FREM2: variants seen among roughly 807,000 people sequenced by gnomAD.
FREM2 encodes FRAS1 related extracellular matrix 2.
Under a neutral mutation model 219.9 loss-of-function variants are expected in FREM2, and 119 were observed. That is an observed-to-expected ratio of 0.54 (90% confidence interval 0.47 to 0.63). The LOEUF is 0.63. Among genes scored for constraint, FREM2 ranks in the 30% least tolerant of loss-of-function variants. The pLI is 0.00. For synonymous variants in FREM2, 1,562 were observed against 1,522.8 expected, an observed-to-expected ratio of 1.03 and a Z score of -0.60; for missense variants, 4,030 against 3,993.6, an observed-to-expected ratio of 1.01 and a Z score of -0.25.
Position 38,876,252 on chromosome 13 carries a change from G to C in FREM2, c.8414G>C (p.Arg2805Pro). The C allele has an allele frequency of 6.2e-7, 1 of 1,613,816 alleles. No individual in the cohort carries two copies. The highest frequency in any genetic ancestry group is 8.5e-7 in the Non-Finnish European group (1 of 1,179,934). Residue 2805 changes from arginine (R) to proline (P), a missense_variant, in exon 20 of 24, where the codon CGT (arginine) becomes CCT (proline). Around this residue, in one of 2 missense-constraint regions of FREM2, gnomAD observed 928 missense variants for 1,042.9 expected, o/e 0.89. Coordinates refer to ENST00000280481, the MANE Select transcript of FREM2 (RefSeq NM_207361.6). ...ATCAATATCTTCTCCTCAAAGGTACGTGACTACTCAGGGACCTATACTGTG... is the reference window on the plus strand; with the variant it reads ...ATCAATATCTTCTCCTCAAAGGTACCTGACTACTCAGGGACCTATACTGTG... ...QWSFVSDFAV[R>P]DYSGTYTVKL...
At chr13:38,842,451 T>G (rs750928669) in intron 6 of FREM2, among the ~76,000 whole-genome samples, 4 of 152,154 alleles carry the variant, frequency 2.6e-5, no homozygotes, top group Non-Finnish European at 5.9e-5. Context: ...GATTCCGTTA[T>G]GGAGAAGTTC....
intron 2 of FREM2, among the ~76,000 whole-genome samples, chr13:38,713,260 G>T (rs1238489890): frequency 1.3e-5 from 2 of 152,150 alleles, no homozygotes; most frequent in Non-Finnish European, 2.9e-5. Flanking sequence ...CTAATGCTCA[G>T]CTTTGCCACT....
At chr13:38,748,899 A>G (rs1469351579) in intron 2 of FREM2, among the ~76,000 whole-genome samples, 1 of 152,172 alleles carries the variant, frequency 6.6e-6, no homozygotes, top group African/African-American at 2.4e-5. Context: ...GAACAAAGGT[A>G]AGGCTGTGCA....
At chr13:38,728,683 A>G (rs1445043465) in intron 2 of FREM2, among the ~76,000 whole-genome samples, 1 of 72,906 alleles carries the variant, frequency 1.4e-5, no homozygotes, top group Non-Finnish European at 2.7e-5. Flanking sequence ...AAGTGCTAGG[A>G]TTATATGTGT....
intron 4 of FREM2, among the ~76,000 whole-genome samples, chr13:38,773,402 T>C (rs969695746): frequency 5.3e-4 from 81 of 152,026 alleles, no homozygotes; most frequent in African/African-American, 1.8e-3. Flanking sequence ...CACCCCCTTT[T>C]TTTTTCGAGA....
intron 17 of FREM2, among the ~76,000 whole-genome samples, chr13:38,874,012 CTT>C (rs1878257301): frequency 6.6e-6 from 1 of 152,268 alleles, no homozygotes; most frequent in African/African-American, 2.4e-5. Context: ...CATAGGATCT[CTT>C]GTTTCCATCT....
rs531238755 is a variant in FREM2 at position 38,886,320 on chromosome 13, T to C, written c.*5533T>C. ...ACTTCAGGAATTCAAATGCAAGTTG[T>C]TGGCAAAATATATATATACACACAC... On this transcript the variant is annotated 3_prime_UTR_variant, in exon 24 of 24. Transcript: ENST00000280481. The C allele has an allele frequency of 1.6e-4, 24 of 151,532 alleles. No individual in the cohort carries two copies. The highest frequency in any genetic ancestry group is 4.6e-4 in the African/African-American group (19 of 40,940). 9.4% of individuals were successfully genotyped at this position (151,532 alleles called of 1,614,324 possible). A position where few individuals can be genotyped will look rare whatever the true frequency, so the allele number is the denominator to read the frequency against.
At chr13:38,820,516 C>G (rs1370770504) in intron 6 of FREM2, among the ~76,000 whole-genome samples, 1 of 152,022 alleles carries the variant, frequency 6.6e-6, no homozygotes, top group Non-Finnish European at 1.5e-5. Flanking sequence ...ATCTGAGAAG[C>G]AGCTTCTCAG....
At chr13:38,839,416 C>T (rs1385404490) in intron 6 of FREM2, among the ~76,000 whole-genome samples, 2 of 152,242 alleles carry the variant, frequency 1.3e-5, no homozygotes, top group Non-Finnish European at 1.5e-5. Context: ...TAGGAGGTAT[C>T]TCCCCATCAG....
chr13:38,746,731 AT>A (rs1385230443), intron 2 of FREM2, among the ~76,000 whole-genome samples: 2 of 152,224 alleles, frequency 1.3e-5, no homozygotes, highest in Non-Finnish European at 2.9e-5. Context: ...GGGATTTATC[AT>A]TTAAGTCAGG....
chr13:38,835,758 G>A (rs766190877), intron 6 of FREM2, among the ~76,000 whole-genome samples: 5 of 152,186 alleles, frequency 3.3e-5, no homozygotes, highest in African/African-American at 4.8e-5. Flanking sequence ...TCTATTATTG[G>A]TGTATAGGAA....
At position 38,840,636 on chromosome 13, in the gene FREM2, A is replaced by ATATATATATATATATATATG. The variant is rs1179577366; in HGVS notation, c.6020-5928_6020-5927insATATATATATGTATATATAT. 8.6e-4 allele frequency among the ~76,000 whole-genome samples: 125 copies of ATATATATATATATATATATG among 145,940 alleles called. 1 individual carries two copies. The highest frequency in any genetic ancestry group is 3.2e-3 in the African/African-American group (119 of 37,638). ...GGGGATAAAACTAAAATATATATATATATATATATGTGTATGTATATATAT... is the reference window on the plus strand; with the variant it reads ...GGGGATAAAACTAAAATATATATATATATATATATATATATATATGTATATATATGTGTATGTATATATAT... On this transcript the variant is annotated intron_variant, in intron 6 of 23. Coordinates refer to ENST00000280481, the MANE Select transcript of FREM2 (RefSeq NM_207361.6).
At chr13:38,786,047 A>G (rs1025606982) in intron 6 of FREM2, among the ~76,000 whole-genome samples, 2 of 152,178 alleles carry the variant, frequency 1.3e-5, no homozygotes, top group African/African-American at 2.4e-5. Flanking sequence ...AACATGTATC[A>G]TTTCTTTGTG....
intron 6 of FREM2, among the ~76,000 whole-genome samples, chr13:38,795,323 C>T (rs1874726517): frequency 9.1e-6 from 1 of 110,176 alleles, no homozygotes; most frequent in Non-Finnish European, 2.4e-5. Flanking sequence ...GGCTTTCCAA[C>T]ATATTTTTTT....
At chr13:38,730,973 G>T (rs1350658431) in intron 2 of FREM2, among the ~76,000 whole-genome samples, 2 of 151,052 alleles carry the variant, frequency 1.3e-5, no homozygotes, top group Non-Finnish European at 2.9e-5. Context: ...TCTTTGCTGA[G>T]AAATATTAAT....
At chr13:38,821,935 A>G (rs937990227) in intron 6 of FREM2, 3 of 152,116 alleles carry the variant, frequency 2.0e-5, no homozygotes, top group East Asian at 1.9e-4. Context: ...TCTCTTCCAC[A>G]CAAAGAATGG....
chr13:38,851,987 T>A (rs1877389380), intron 11 of FREM2, 119 bp downstream of exon 11: 1 of 881,424 alleles, frequency 1.1e-6, no homozygotes, highest in African/African-American at 1.7e-5. Context: ...GCACTCTTTT[T>A]TAGGGGGTAT....
intron 21 of FREM2, 95 bp downstream of exon 21, chr13:38,877,338 CT>C (rs1023066268): frequency 6.6e-6 from 9 of 1,356,288 alleles, no homozygotes; most frequent in African/African-American, 1.4e-5. Context: ...CAAATTATAG[CT>C]TTTTTTATGG....
intron 20 of FREM2, among the ~76,000 whole-genome samples, chr13:38,876,634 A>G (rs1221945629): frequency 6.6e-6 from 1 of 152,116 alleles, no homozygotes; most frequent in Non-Finnish European, 1.5e-5. Context: ...ATCTGATCTT[A>G]TCTTGTGTCC....
Sources: allele counts gnomAD v4.1 joint callset (sites outside exome capture counted in the v4.1 genomes callset), GRCh38; gene constraint gnomAD v4.1.1; regional missense constraint gnomAD v4.1.1; transcripts MANE v1.5; gene names NCBI Gene and HGNC (gene_info 2026-07-23, HGNC 2026-07-21).